The following ROR1 variants were observed in gnomAD, a reference collection of about 807,000 sequenced individuals.
ROR1 encodes the protein ROR family WNT receptor 1.
A neutral mutation model predicts 78.8 loss-of-function variants in ROR1; 19 were observed. The observed-to-expected ratio is 0.24, with a 90% confidence interval of 0.17 to 0.35. The LOEUF (loss-of-function observed/expected upper bound fraction) is 0.35, where lower values mean the gene tolerates loss of function less well. Ranked by LOEUF, ROR1 falls within the 10% of genes least tolerant of loss-of-function variation. The pLI is 1.00. For missense variants in ROR1, 917 were observed against 1,177.8 expected (o/e 0.78, Z 3.24); for synonymous variants, 386 against 433.6 (o/e 0.89, Z 1.36).
chr1:64,040,635 T>C (rs1279153408), intron 2 of ROR1, among the ~76,000 whole-genome samples: 2 of 152,190 alleles, frequency 1.3e-5, no homozygotes, highest in Non-Finnish European at 2.9e-5. Flanking sequence ...GTTCTCCCTG[T>C]TGAGGGCTCA....
intron 1 of ROR1, among the ~76,000 whole-genome samples, chr1:63,952,969 G>A (rs974694672): frequency 6.6e-6 from 1 of 152,110 alleles, no homozygotes; most frequent in Admixed American, 6.5e-5. Flanking sequence ...ATCCTATTTG[G>A]GGTTACTAAG....
At chr1:64,066,318 CTTT>C (rs747396331) in intron 4 of ROR1, among the ~76,000 whole-genome samples, 13 of 139,858 alleles carry the variant, frequency 9.3e-5, no homozygotes, top group South Asian at 2.3e-4. Flanking sequence ...TTTAAACTCA[CTTT>C]TTTTTTTTTT....
chr1:63,848,999 T>C (rs997430217), intron 1 of ROR1, among the ~76,000 whole-genome samples: 8 of 152,204 alleles, frequency 5.3e-5, no homozygotes, highest in African/African-American at 1.9e-4. Context: ...GTGGGCGGCA[T>C]CCTGGGGTCT....
At chr1:64,084,944 A>G (rs1647139127) in intron 4 of ROR1, among the ~76,000 whole-genome samples, 1 of 152,124 alleles carries the variant, frequency 6.6e-6, no homozygotes, top group Non-Finnish European at 1.5e-5. Context: ...GATTTATAAT[A>G]CTTTCTGATT....
intron 1 of ROR1, among the ~76,000 whole-genome samples, chr1:63,865,235 G>A (rs900005745): frequency 5.3e-5 from 8 of 152,098 alleles, no homozygotes; most frequent in Non-Finnish European, 1.2e-4. Flanking sequence ...CTCTAGGTAG[G>A]TCTTTTTAGG....
intron 1 of ROR1, among the ~76,000 whole-genome samples, chr1:63,826,517 A>C (rs1028756150): frequency 6.6e-6 from 1 of 151,972 alleles, no homozygotes; most frequent in African/African-American, 2.4e-5. Context: ...TGTTGATTCC[A>C]TGTCTTTGCT....
intron 4 of ROR1, among the ~76,000 whole-genome samples, chr1:64,101,240 A>G (rs887088846): frequency 1.3e-5 from 2 of 152,172 alleles, no homozygotes; most frequent in African/African-American, 2.4e-5. Flanking sequence ...AAGGGACTCC[A>G]TGCCTGAGGC....
chr1:63,795,416 G>A (rs1644754442), intron 1 of ROR1, among the ~76,000 whole-genome samples: 1 of 152,204 alleles, frequency 6.6e-6, no homozygotes, highest in Non-Finnish European at 1.5e-5. Context: ...TTCCCTTGGA[G>A]GGTATGTTTT....
intron 1 of ROR1, among the ~76,000 whole-genome samples, chr1:63,934,641 T>C (rs954126271): frequency 3.9e-5 from 6 of 152,236 alleles, no homozygotes; most frequent in Admixed American, 3.3e-4. Context: ...AATTTAACAC[T>C]TATTTAAATT....
intron 1 of ROR1, among the ~76,000 whole-genome samples, chr1:63,886,303 T>C (rs1333119296): frequency 1.3e-5 from 2 of 152,208 alleles, no homozygotes; most frequent in Admixed American, 1.3e-4. Context: ...GTCGTGGCCC[T>C]GGAAGCTGGG....
intron 2 of ROR1, among the ~76,000 whole-genome samples, chr1:64,016,684 TTG>T (rs898187444): frequency 2.0e-5 from 3 of 149,546 alleles, no homozygotes; most frequent in African/African-American, 4.9e-5. Flanking sequence ...CTGATTTTGT[TTG>T]TGTGTGTGTA....
At chr1:64,118,179 G>A (rs1648386951) in intron 4 of ROR1, among the ~76,000 whole-genome samples, 2 of 152,154 alleles carry the variant, frequency 1.3e-5, no homozygotes, top group Middle Eastern at 3.4e-3. Flanking sequence ...CTCCTGCCTG[G>A]GTGACAGCAT....
At chr1:64,037,941 A>G (rs1353817458) in intron 2 of ROR1, among the ~76,000 whole-genome samples, 1 of 152,022 alleles carries the variant, frequency 6.6e-6, no homozygotes, top group Non-Finnish European at 1.5e-5. Context: ...ATCAAGGCCC[A>G]ATGCAAGCAC....
At chr1:64,088,810 C>T (rs11208352) in intron 4 of ROR1, among the ~76,000 whole-genome samples, 34,904 of 151,952 alleles carry the variant, frequency 0.23, 5,788 homozygotes, top group African/African-American at 0.47. Flanking sequence ...CAGTATACCT[C>T]AAGACATGAA....
chr1:63,949,885 G>A (rs994694598), intron 1 of ROR1, among the ~76,000 whole-genome samples: 1 of 152,034 alleles, frequency 6.6e-6, no homozygotes, highest in African/African-American at 2.4e-5. Context: ...TGGGGTGAAT[G>A]TTTTCATTTT....
intron 2 of ROR1, among the ~76,000 whole-genome samples, chr1:64,025,758 A>G (rs1646603821): frequency 6.6e-6 from 1 of 152,212 alleles, no homozygotes; most frequent in Non-Finnish European, 1.5e-5. Flanking sequence ...GTGAAGTAAC[A>G]CAGGAATGGA....
At chr1:64,003,742 C>T (rs1646406168) in intron 1 of ROR1, among the ~76,000 whole-genome samples, 1 of 152,160 alleles carries the variant, frequency 6.6e-6, no homozygotes, top group African/African-American at 2.4e-5. Context: ...TTACAGCAGA[C>T]TCTTACTTTT....
intron 1 of ROR1, among the ~76,000 whole-genome samples, chr1:63,836,380 TG>T (rs1350664587): frequency 6.6e-6 from 1 of 152,206 alleles, no homozygotes; most frequent in African/African-American, 2.4e-5. Context: ...CCATAAATAG[TG>T]TCTATAGATG....
In ROR1 at chr1:64,180,812, G is replaced by T. The variant is rs1253984562; in HGVS notation, c.*1957G>T. The T allele has an allele frequency of 6.6e-6, 1 of 152,058 alleles. No homozygotes were observed. Among genetic ancestry groups the T allele is most frequent in the African/African-American group, 2.4e-5 (1 of 41,438 alleles). 9.4% of individuals were successfully genotyped at this position (152,058 alleles called of 1,614,324 possible). ...AGTTTTTCTAGGAGTCCCTTAAAGG[G>T]AAATTAGCATTCCATGAGCCAGTAA... On this transcript the variant is annotated 3_prime_UTR_variant, in exon 9 of 9. Coordinates refer to ENST00000371079, the MANE Select transcript of ROR1 (RefSeq NM_005012.4).
Sources: allele counts gnomAD v4.1 joint callset (sites outside exome capture counted in the v4.1 genomes callset), GRCh38; gene constraint gnomAD v4.1.1; transcripts MANE v1.5; gene names NCBI Gene and HGNC (gene_info 2026-07-23, HGNC 2026-07-21).